OPHN1: variants seen among roughly 807,000 people sequenced by gnomAD.
OPHN1 encodes the protein oligophrenin-1.
A neutral mutation model predicts 60.7 loss-of-function variants in OPHN1; 11 were observed. The observed-to-expected ratio is 0.18, with a 90% CI of 0.11 to 0.30. The LOEUF (loss-of-function observed/expected upper bound fraction) is 0.30. Ranked by LOEUF, OPHN1 falls within the 10% of genes least tolerant of loss-of-function variation. The probability of loss-of-function intolerance (pLI) is 1.00; values close to 1 mark genes in which losing one functional copy is unlikely to be tolerated. For missense variants in OPHN1, 449 were observed against 611.0 expected (o/e 0.73, Z 2.80); for synonymous variants, 226 against 222.6 (o/e 1.02, Z -0.14).
At chrX:68,269,364 AG>A (rs2077953212) in intron 5 of OPHN1, among the ~76,000 whole-genome samples, 1 of 111,843 alleles carries the variant, frequency 8.9e-6, no homozygotes, top group Non-Finnish European at 1.9e-5. Flanking sequence ...TAACCAAAAC[AG>A]CATGGTATTG....
rs1343287647 is a variant in OPHN1 at position 68,271,041 on chromosome X, A to G, written c.384+3697T>C. 3.6e-5 allele frequency among the ~76,000 whole-genome samples: 4 copies of G among 111,705 alleles called. No individual in the cohort carries two copies. In the East Asian group the frequency reaches 1.1e-3, roughly 31 times the overall value. On this transcript the variant is annotated intron_variant, in intron 5 of 24. Coordinates refer to ENST00000355520, the MANE Select transcript of OPHN1 (RefSeq NM_002547.3). ...ATATGTATGAGTAAGGGCCTAATAT[A>G]GCACCTATCACAACCAGTGAACTCA...
rs1247204124 is a variant in OPHN1 at position 68,043,233 on chromosome X, AG to A, written c.*3938del. The A allele has an allele frequency of 8.3e-5, 5 of 60,121 alleles. No homozygotes were observed. The highest frequency in any genetic ancestry group is 1.5e-4 in the Non-Finnish European group (5 of 33,827). 5.0% of individuals were successfully genotyped at this position (60,121 alleles called of 1,213,427 possible). ...CTGGGGACTGTGGTGGGGTCGGGGGAGGGGGGAGGGATAGCACTGGGAGATA... is the reference window on the plus strand; with the variant it reads ...CTGGGGACTGTGGTGGGGTCGGGGGAGGGGGAGGGATAGCACTGGGAGATA... On this transcript the variant is annotated 3_prime_UTR_variant, in exon 25 of 25. Coordinates refer to ENST00000355520, the MANE Select transcript of OPHN1 (RefSeq NM_002547.3).
intron 2 of OPHN1, among the ~76,000 whole-genome samples, chrX:68,357,236 GTTTTGC>G (rs1416439938): frequency 9.0e-6 from 1 of 111,669 alleles, no homozygotes; most frequent in Non-Finnish European, 1.9e-5. Context: ...GTGTATCTGT[GTTTTGC>G]TTTTGCTTTT....
rs771771597 is a variant in OPHN1 at position 68,117,890 on chromosome X, C to T, written c.1361+1358G>A. On this transcript the variant is annotated intron_variant, in intron 16 of 24. Transcript: ENST00000355520. ...TCATCTTTGAAAAGGGCCACCCTGC[C>T]TATTATAGGATGAGCTGGGAATAAT... Among the ~76,000 whole-genome samples, 6 of 112,063 alleles carry T rather than the reference C, an allele frequency of 5.4e-5. No individual in the cohort carries two copies. The Admixed American group carries it at 5.7e-4, about 11-fold the overall frequency.
At chrX:68,198,613 G>A (rs1399723366) in intron 11 of OPHN1, among the ~76,000 whole-genome samples, 2 of 111,278 alleles carry the variant, frequency 1.8e-5, no homozygotes, top group Admixed American at 9.6e-5. Flanking sequence ...CATTCTCCTG[G>A]CTTGCTGAGC....
intron 19 of OPHN1, among the ~76,000 whole-genome samples, chrX:68,091,208 A>C (rs1411833394): frequency 9.0e-6 from 1 of 111,403 alleles, no homozygotes; most frequent in Non-Finnish European, 1.9e-5. Flanking sequence ...TCATTCACAG[A>C]GTTAGAAAAA....
intron 2 of OPHN1, among the ~76,000 whole-genome samples, chrX:68,309,991 T>A (rs754774240): frequency 8.9e-6 from 1 of 111,914 alleles, no homozygotes; most frequent in Non-Finnish European, 1.9e-5. Context: ...TATGATAAAA[T>A]ATGGGGTCTT....
At chrX:68,384,380 C>T (rs2078613351) in intron 2 of OPHN1, among the ~76,000 whole-genome samples, 1 of 111,869 alleles carries the variant, frequency 8.9e-6, no homozygotes, top group Non-Finnish European at 1.9e-5. Flanking sequence ...GCACAAAAAA[C>T]ATCAGAATAA....
chrX:68,105,037 C>T (rs1233579130), intron 18 of OPHN1, among the ~76,000 whole-genome samples: 2 of 112,028 alleles, frequency 1.8e-5, no homozygotes, highest in South Asian at 7.5e-4. Flanking sequence ...ATTTATGAGG[C>T]CAAGAAACAT....
intron 19 of OPHN1, among the ~76,000 whole-genome samples, chrX:68,083,577 G>T (rs763267298): frequency 1.8e-4 from 20 of 112,220 alleles, no homozygotes; most frequent in African/African-American, 6.5e-4. Context: ...GTGTTCACTG[G>T]AGTAGCACTT....
At chrX:68,408,948 G>A (rs1002990505) in intron 2 of OPHN1, among the ~76,000 whole-genome samples, 11 of 112,585 alleles carry the variant, frequency 9.8e-5, no homozygotes, top group Non-Finnish European at 1.3e-4. Context: ...GAAACAGAGC[G>A]AGACTCCGTC....
intron 2 of OPHN1, among the ~76,000 whole-genome samples, chrX:68,306,163 C>G (rs2078144122): frequency 8.9e-6 from 1 of 112,188 alleles, no homozygotes; most frequent in Middle Eastern, 4.6e-3. Context: ...GTTGTCTGAG[C>G]ATTGGCCAAC....
At chrX:68,278,035 G>A (rs2078000556) in intron 4 of OPHN1, among the ~76,000 whole-genome samples, 1 of 111,575 alleles carries the variant, frequency 9.0e-6, no homozygotes, top group Admixed American at 9.5e-5. Flanking sequence ...TAAGGCCACT[G>A]ACTTTTACAT....
intron 15 of OPHN1, among the ~76,000 whole-genome samples, chrX:68,149,649 T>C (rs924509153): frequency 1.8e-5 from 2 of 111,113 alleles, no homozygotes; most frequent in African/African-American, 6.5e-5. Flanking sequence ...AAATTAGAAG[T>C]GCTGGTGAGG....
At chrX:68,166,658 C>T (rs1229746387) in intron 15 of OPHN1, among the ~76,000 whole-genome samples, 1 of 111,758 alleles carries the variant, frequency 8.9e-6, no homozygotes, top group Non-Finnish European at 1.9e-5. Flanking sequence ...CTATAGTAAC[C>T]AAAATAGCAA....
chrX:68,048,850 C>T (rs1395053234), intron 23 of OPHN1, among the ~76,000 whole-genome samples: 3 of 111,875 alleles, frequency 2.7e-5, no homozygotes, highest in African/African-American at 9.8e-5. Context: ...CCAACCTTGT[C>T]CAGCCTCTTG....
chrX:68,055,657 T>A (rs182014647), intron 21 of OPHN1, among the ~76,000 whole-genome samples: 12 of 112,332 alleles, frequency 1.1e-4, no homozygotes, highest in Non-Finnish European at 2.3e-4. Flanking sequence ...TGCACACATA[T>A]GTTTACTGTG....
chrX:68,357,136 T>C (rs1357705595), intron 2 of OPHN1, among the ~76,000 whole-genome samples: 1 of 112,050 alleles, frequency 8.9e-6, no homozygotes, highest in African/African-American at 3.2e-5. Flanking sequence ...ATTTGCTCTG[T>C]GAATGATACC....
At chrX:68,256,376 A>T (rs1024981463) in intron 5 of OPHN1, among the ~76,000 whole-genome samples, 20 of 111,596 alleles carry the variant, frequency 1.8e-4, no homozygotes, top group African/African-American at 6.5e-4. Flanking sequence ...TCGACTTTAC[A>T]GGCTGCGCAT....
Sources: gnomAD v4.1 joint callset for allele counts (sites outside exome capture counted in the v4.1 genomes callset) on GRCh38, gnomAD v4.1.1 for gene constraint, MANE v1.5 for transcripts, NCBI Gene and HGNC (gene_info 2026-07-23, HGNC 2026-07-21) for gene names.